The following IQSEC1 variants were observed in gnomAD, a reference collection of about 807,000 sequenced individuals.
IQSEC1 encodes IQ motif and Sec7 domain ArfGEF 1.
A neutral mutation model predicts 91.0 loss-of-function variants in IQSEC1; 31 were observed. The ratio of observed to expected loss-of-function variants is 0.34; its 90% CI spans 0.26 to 0.46. The LOEUF (loss-of-function observed/expected upper bound fraction) is 0.46, where lower values mean the gene tolerates loss of function less well. IQSEC1 is among the 20% of genes least tolerant of loss of function. IQSEC1 has a pLI of 1.00. For synonymous variants in IQSEC1, 699 were observed against 662.6 expected, an observed-to-expected ratio of 1.05 and a Z score of -0.84; for missense variants, 1,388 against 1,575.6, an observed-to-expected ratio of 0.88 and a Z score of 2.02.
chr3:13,086,837 T>G (rs1705744073), intron 2 of IQSEC1, among the ~76,000 whole-genome samples: 1 of 152,200 alleles, frequency 6.6e-6, no homozygotes, highest in South Asian at 2.1e-4. Flanking sequence ...TCTAGGCCAT[T>G]TACAGGCATC....
intron 8 of IQSEC1, among the ~76,000 whole-genome samples, chr3:12,914,830 A>C (rs936535666): frequency 2.6e-5 from 4 of 152,022 alleles, no homozygotes; most frequent in African/African-American, 9.7e-5. Context: ...CTCAGAGGAC[A>C]CACCGGGGTC....
intron 2 of IQSEC1, among the ~76,000 whole-genome samples, chr3:13,097,175 A>C (rs944107872): frequency 6.6e-6 from 1 of 152,176 alleles, no homozygotes; most frequent in East Asian, 1.9e-4. Flanking sequence ...CTTTCTTTAC[A>C]TGGCATCCCT....
intron 12 of IQSEC1, among the ~76,000 whole-genome samples, chr3:12,907,015 C>CT (rs1695053897): frequency 6.6e-6 from 1 of 152,296 alleles, no homozygotes; most frequent in Non-Finnish European, 1.5e-5. Context: ...ACATCAGTGA[C>CT]TGTCATGACA....
In IQSEC1 at chr3:13,214,062, T is replaced by C. The variant is rs556809205; in HGVS notation, c.273-49929A>G. Among the ~76,000 whole-genome samples the C allele has an allele frequency of 3.3e-5, 5 of 152,294 alleles. No homozygotes were observed. Among genetic ancestry groups the C allele is most frequent in the South Asian group, 4.1e-4 (2 of 4,826 alleles). ...TCCTTCCTCTGATAGGCCTGTCCCC[T>C]GTGTCCCTGTCCACTGTGCTCTGTC... On this transcript the variant is annotated intron_variant, in intron 1 of 15. Transcript: ENST00000648114. This position sits in a 1 kb window ranked among gnomAD's most constrained non-coding sequence, Gnocchi z 4.5.
intron 1 of IQSEC1, among the ~76,000 whole-genome samples, chr3:13,218,107 C>T (rs543815092): frequency 8.5e-4 from 130 of 152,310 alleles, no homozygotes; most frequent in South Asian, 1.9e-3. Flanking sequence ...CCAGGATTCC[C>T]ACATGCAGAG....
intron 1 of IQSEC1, among the ~76,000 whole-genome samples, chr3:12,972,406 A>G (rs1219746641): frequency 6.6e-6 from 1 of 152,204 alleles, no homozygotes; most frequent in African/African-American, 2.4e-5. Flanking sequence ...TAGTCCACAA[A>G]GACCCCAAAC....
chr3:13,015,142 C>T (rs1288961072), intron 1 of IQSEC1, among the ~76,000 whole-genome samples: 1 of 152,130 alleles, frequency 6.6e-6, no homozygotes, highest in Non-Finnish European at 1.5e-5. Context: ...CCTCTGAGGA[C>T]TTCTGACTTC....
At chr3:12,951,560 A>G (rs1019281275) in intron 1 of IQSEC1, among the ~76,000 whole-genome samples, 2 of 152,186 alleles carry the variant, frequency 1.3e-5, no homozygotes, top group African/African-American at 4.8e-5. Context: ...AGCCATACCC[A>G]CTTCTCTAGT....
In IQSEC1 at chr3:12,908,267, T is replaced by G. The variant is rs1695200115; in HGVS notation, c.2755+82A>C. On this transcript the variant is annotated intron_variant, in intron 12 of 13. Coordinates refer to ENST00000613206, the MANE Select transcript of IQSEC1 (RefSeq NM_001134382.3). The surrounding 1 kb of genome is among the most constrained non-coding windows in gnomAD (Gnocchi z 4.9). ...GCTTCGCCGCAGGCCCTGCCCCGCG[T>G]GATGCATGCCCTGAATGCAGACGCC... The G allele has an allele frequency of 2.7e-6, 4 of 1,455,698 alleles. No homozygotes were observed. Among genetic ancestry groups the G allele is most frequent in the Middle Eastern group, 2.5e-4 (1 of 4,070 alleles). The allele number at this position is 1,455,698 out of a possible 1,614,324, so 90.2% of individuals were successfully genotyped here. A position where few individuals can be genotyped will look rare whatever the true frequency, so the allele number is the denominator to read the frequency against.
rs375462131 is a variant in IQSEC1, at chr3:12,953,233, G to A, written c.24-11368C>T. ...CCATGCCTCTTGGTCTCCGTGCGCC[G>A]TAGACAGACCTGTCCAATGGCCCAT... On this transcript the variant is annotated intron_variant, in intron 1 of 13. Coordinates refer to ENST00000613206, the MANE Select transcript of IQSEC1 (RefSeq NM_001134382.3). Among the ~76,000 whole-genome samples the A allele has an allele frequency of 8.0e-4, 122 of 152,366 alleles. 4 individuals are homozygous for A. In the South Asian group the frequency reaches 0.023, roughly 28 times the overall value.
intron 1 of IQSEC1, among the ~76,000 whole-genome samples, chr3:12,963,016 G>A (rs1443207724): frequency 6.6e-6 from 1 of 152,234 alleles, no homozygotes; most frequent in Admixed American, 6.5e-5. Flanking sequence ...AGGAAGCAGA[G>A]CCTGGCCATG....
chr3:13,095,224 C>T (rs956167595), intron 2 of IQSEC1, among the ~76,000 whole-genome samples: 5 of 152,032 alleles, frequency 3.3e-5, no homozygotes, highest in South Asian at 2.1e-4. Context: ...GCATGGTCCC[C>T]GTCGTTCCTG....
intron 1 of IQSEC1, among the ~76,000 whole-genome samples, chr3:13,036,130 A>G (rs1308071946): frequency 2.0e-5 from 3 of 152,170 alleles, no homozygotes; most frequent in Non-Finnish European, 4.4e-5. Context: ...GGGATTTTAA[A>G]CCACTAAGTT....
intron 2 of IQSEC1, among the ~76,000 whole-genome samples, chr3:13,125,955 T>C (rs1159255205): frequency 6.6e-6 from 1 of 152,238 alleles, no homozygotes; most frequent in African/African-American, 2.4e-5. Context: ...CCTCCTGCAC[T>C]GCATGAGTCT....
intron 1 of IQSEC1, among the ~76,000 whole-genome samples, chr3:12,998,475 G>A (rs1487828022): frequency 4.6e-5 from 7 of 152,126 alleles, no homozygotes; most frequent in East Asian, 1.9e-4. Flanking sequence ...TGTAGGGTAT[G>A]TTACTTTTTA....
intron 1 of IQSEC1, among the ~76,000 whole-genome samples, chr3:13,054,348 T>C (rs992729447): frequency 1.3e-5 from 2 of 152,228 alleles, no homozygotes; most frequent in Admixed American, 6.5e-5. Flanking sequence ...TGGACCATTC[T>C]TAGGGCTCCA....
chr3:13,015,638 G>A (rs919127105), intron 1 of IQSEC1: 16 of 985,208 alleles, frequency 1.6e-5, no homozygotes, highest in South Asian at 9.4e-5. Flanking sequence ...CTGCCTCTGC[G>A]GCCCCGGGGG....
intron 1 of IQSEC1, among the ~76,000 whole-genome samples, chr3:12,972,229 C>T (rs567651535): frequency 6.6e-6 from 1 of 151,314 alleles, no homozygotes; most frequent in East Asian, 1.9e-4. Context: ...GAGGATCACC[C>T]GAGTGTAGGA....
chr3:13,001,726 A>T (rs1437213867), intron 1 of IQSEC1, among the ~76,000 whole-genome samples: 1 of 152,272 alleles, frequency 6.6e-6, no homozygotes, highest in Non-Finnish European at 1.5e-5. Flanking sequence ...ATTTTTTACA[A>T]GGTGCCAAGA....
Sources: allele counts gnomAD v4.1 joint callset (sites outside exome capture counted in the v4.1 genomes callset), GRCh38; gene constraint gnomAD v4.1.1; non-coding constraint Gnocchi (gnomAD v3.1); transcripts MANE v1.5; gene names NCBI Gene and HGNC (gene_info 2026-07-23, HGNC 2026-07-21).